Variants in KIAA1328 observed in about 807,000 individuals in gnomAD.
KIAA1328 encodes the protein protein hinderin.
In KIAA1328, 52 loss-of-function variants were observed where a neutral mutation model predicts 68.1. That is an observed-to-expected ratio of 0.76 (90% CI 0.61 to 0.96). The LOEUF (loss-of-function observed/expected upper bound fraction) is 0.96. KIAA1328 is among the 40% of genes least tolerant of loss of function. The probability of loss-of-function intolerance (pLI) is 0.00; values close to 1 mark genes in which losing one functional copy is unlikely to be tolerated. For synonymous variants in KIAA1328, 232 were observed against 239.4 expected (o/e 0.97, Z 0.28); for missense variants, 641 against 677.6 (o/e 0.95, Z 0.60).
intron 4 of KIAA1328, among the ~76,000 whole-genome samples, chr18:36,867,962 A>T (rs1034295694): frequency 6.6e-6 from 1 of 152,234 alleles, no homozygotes; most frequent in East Asian, 1.9e-4. Context: ...TTTAACTTTA[A>T]TGTGATTCAG....
chr18:36,931,192 A>AT (rs1360085706), intron 5 of KIAA1328, among the ~76,000 whole-genome samples: 1 of 152,114 alleles, frequency 6.6e-6, no homozygotes, highest in Non-Finnish European at 1.5e-5. Flanking sequence ...ATTTGGATTT[A>AT]TAAAGAGAAT....
chr18:36,864,257 A>AAGT (rs1467030817), intron 4 of KIAA1328, among the ~76,000 whole-genome samples: 1 of 151,368 alleles, frequency 6.6e-6, no homozygotes, highest in Non-Finnish European at 1.5e-5. Flanking sequence ...TGATTTTTGA[A>AAGT]AGTTGAATCA....
chr18:37,159,251 G>C (rs548856058), intron 7 of KIAA1328, among the ~76,000 whole-genome samples: 24 of 152,188 alleles, frequency 1.6e-4, no homozygotes, highest in Non-Finnish European at 3.2e-4. Context: ...AGAAGATTAT[G>C]TGATTTGAAT....
At chr18:37,210,471 A>C in intron 9 of KIAA1328, among the ~76,000 whole-genome samples, 1 of 152,182 alleles carries the variant, frequency 6.6e-6, no homozygotes, top group African/African-American at 2.4e-5. Flanking sequence ...GGCTCTGTGA[A>C]GTACAGAGGT....
intron 4 of KIAA1328, among the ~76,000 whole-genome samples, chr18:36,875,263 G>A (rs2048081288): frequency 1.3e-5 from 2 of 152,224 alleles, no homozygotes; most frequent in South Asian, 2.1e-4. Context: ...ACTTTGGGCA[G>A]TATGGCCATT....
At chr18:37,170,189 G>A (rs1405370699) in intron 8 of KIAA1328, among the ~76,000 whole-genome samples, 4 of 152,074 alleles carry the variant, frequency 2.6e-5, no homozygotes, top group Non-Finnish European at 5.9e-5. Flanking sequence ...CCAAAGACCA[G>A]TTTGGTATTT....
At chr18:37,166,063 C>A in intron 8 of KIAA1328, among the ~76,000 whole-genome samples, 2 of 137,282 alleles carry the variant, frequency 1.5e-5, no homozygotes, top group East Asian at 2.1e-4. Flanking sequence ...TTGGTAATGA[C>A]CTTGTCAGCT....
intron 5 of KIAA1328, among the ~76,000 whole-genome samples, chr18:36,908,567 T>G (rs2049307052): frequency 6.6e-6 from 1 of 152,134 alleles, no homozygotes; most frequent in African/African-American, 2.4e-5. Flanking sequence ...TGATTGAACT[T>G]TTGAGCTCAA....
intron 7 of KIAA1328, among the ~76,000 whole-genome samples, chr18:37,133,525 ATT>A (rs530477761): frequency 1.4e-4 from 19 of 134,590 alleles, no homozygotes; most frequent in African/African-American, 2.2e-4. Context: ...CTATATAGTA[ATT>A]TTTTTTTTTT....
chr18:37,093,404 A>G (rs908879122), intron 7 of KIAA1328, among the ~76,000 whole-genome samples: 1 of 152,216 alleles, frequency 6.6e-6, no homozygotes, highest in African/African-American at 2.4e-5. Context: ...AGAAATCAGG[A>G]AAACAACTGA....
chr18:37,074,947 G>T (rs909605177), intron 7 of KIAA1328: 1 of 151,934 alleles, frequency 6.6e-6, no homozygotes, highest in Non-Finnish European at 1.5e-5. Context: ...ATCTAGCAAG[G>T]CAGGCCAACA....
intron 7 of KIAA1328, among the ~76,000 whole-genome samples, chr18:37,111,829 T>C (rs960393403): frequency 2.0e-5 from 3 of 152,284 alleles, no homozygotes; most frequent in Non-Finnish European, 4.4e-5. Flanking sequence ...ACTCTAACAT[T>C]GCGCTTTCCC....
At chr18:37,070,142 G>A (rs781032850) in intron 7 of KIAA1328, among the ~76,000 whole-genome samples, 1 of 151,998 alleles carries the variant, frequency 6.6e-6, no homozygotes, top group Non-Finnish European at 1.5e-5. Context: ...CCTGTTTTCT[G>A]TTTCTGATTT....
intron 5 of KIAA1328, among the ~76,000 whole-genome samples, chr18:36,951,379 A>G (rs1313419617): frequency 1.3e-5 from 2 of 152,168 alleles, no homozygotes; most frequent in South Asian, 2.1e-4. Context: ...ATAAATATTT[A>G]TTGAGCACTT....
chr18:37,206,877 A>G (rs898868833), intron 9 of KIAA1328, among the ~76,000 whole-genome samples: 4 of 152,190 alleles, frequency 2.6e-5, no homozygotes, highest in African/African-American at 9.6e-5. Flanking sequence ...TATTGCTTAA[A>G]GGTTTTTTCA....
chr18:36,913,600 C>G (rs1004816913), intron 5 of KIAA1328, among the ~76,000 whole-genome samples: 3 of 149,482 alleles, frequency 2.0e-5, no homozygotes, highest in Non-Finnish European at 4.4e-5. Flanking sequence ...CCTGCCCAAC[C>G]TTGGACTAAT....
intron 7 of KIAA1328, among the ~76,000 whole-genome samples, chr18:37,074,395 G>A (rs2056639681): frequency 6.6e-6 from 1 of 152,172 alleles, no homozygotes; most frequent in Non-Finnish European, 1.5e-5. Context: ...GTAGACAGAA[G>A]TGCAGCTATT....
At chr18:37,177,067 A>G (rs2059609744) in intron 9 of KIAA1328, among the ~76,000 whole-genome samples, 1 of 152,220 alleles carries the variant, frequency 6.6e-6, no homozygotes. Flanking sequence ...TGCCAATTTA[A>G]TCAAAAAGTA....
chr18:36,858,899 C>G (rs1040819003), intron 4 of KIAA1328, among the ~76,000 whole-genome samples: 6 of 152,210 alleles, frequency 3.9e-5, no homozygotes, highest in Admixed American at 3.9e-4. Context: ...TTTTCTTACA[C>G]TTAAATCTCT....
Sources: allele counts gnomAD v4.1 joint callset (sites outside exome capture counted in the v4.1 genomes callset), GRCh38; gene constraint gnomAD v4.1.1; transcripts MANE v1.5; gene names NCBI Gene and HGNC (gene_info 2026-07-23, HGNC 2026-07-21).